The following MYO18A variants were observed in gnomAD, a reference collection of about 807,000 sequenced individuals.
MYO18A encodes the protein unconventional myosin-XVIIIa.
A neutral mutation model predicts 235.8 loss-of-function variants in MYO18A; 78 were observed. That is an observed-to-expected ratio of 0.33 (90% CI 0.28 to 0.40). The LOEUF (loss-of-function observed/expected upper bound fraction) is 0.40, where lower values mean the gene tolerates loss of function less well. MYO18A is among the 10% of genes least tolerant of loss of function. The pLI, the probability that MYO18A is intolerant of heterozygous loss-of-function variation, is 1.00. For synonymous variants in MYO18A, 977 were observed against 1,077.8 expected (o/e 0.91, Z 1.83); for missense variants, 2,215 against 2,699.3 (o/e 0.82, Z 3.98).
In MYO18A at chr17:29,110,098, C is replaced by T. The variant is rs765415599; in HGVS notation, c.3091G>A (p.Ala1031Thr). ...GACTTCTTGATGGTGTCGATGAGGGCGTCCTGCCGAGGGGAAGAGACTGCC... is the reference window on the plus strand; with the variant it reads ...GACTTCTTGATGGTGTCGATGAGGGTGTCCTGCCGAGGGGAAGAGACTGCC... ...LCIQMKLQVD[A>T]LIDTIKKSKL... Residue 1031 changes from alanine (A) to threonine (T), a missense_variant, in exon 19 of 42, where the codon GCC becomes ACC. By Grantham distance (58) the Ala-to-Thr change is moderately conservative (BLOSUM62 0). Transcript: ENST00000527372. 2.8e-5 allele frequency: 45 copies of T among 1,609,180 alleles called. No homozygotes were observed. The highest frequency in any genetic ancestry group is 6.7e-5 in the Admixed American group (4 of 60,002).
Position 29,092,760 on chromosome 17 carries a change from G to T in MYO18A, c.5073+95C>A, listed in dbSNP as rs1413885741. 2.7e-6 allele frequency: 4 copies of T among 1,504,340 alleles called. No individual in the cohort carries two copies. In the East Asian group the frequency reaches 9.1e-5, roughly 34 times the overall value. The allele number at this position is 1,504,340 out of a possible 1,614,324, so 93.2% of individuals were successfully genotyped here. A position where few individuals can be genotyped will look rare whatever the true frequency, so the allele number is the denominator to read the frequency against. On this transcript the variant is annotated intron_variant, in intron 33 of 41. Transcript: ENST00000527372. Reference sequence around the variant, plus strand: ...TCTTTCCTGTCACTTTCCTTCCCAAGGACTCAAGAACCACTGAGAGGAGCG... The same window carrying T: ...TCTTTCCTGTCACTTTCCTTCCCAATGACTCAAGAACCACTGAGAGGAGCG...
At chr17:29,171,876 G>C (rs1185015384) in intron 1 of MYO18A, among the ~76,000 whole-genome samples, 1 of 148,140 alleles carries the variant, frequency 6.8e-6, no homozygotes, top group Non-Finnish European at 1.5e-5. Context: ...CTGGGTAACA[G>C]AGTAAGACCC....
chr17:29,123,997 G>A (rs530725249), intron 2 of MYO18A, among the ~76,000 whole-genome samples: 5 of 151,728 alleles, frequency 3.3e-5, no homozygotes, highest in South Asian at 2.1e-4. Context: ...GCAGTGAGCC[G>A]AGATTGCGCC....
chr17:29,180,106 GC>G lies in MYO18A; in HGVS notation c.-82+206del, dbSNP rs1371030344. ...CCCCCTTCCCCGCCGCTCCCGATCG[GC>G]CCCCACCCCCGGGCGTCGAGCTCCA... On this transcript the variant is annotated intron_variant, in intron 1 of 41. Coordinates refer to ENST00000527372, the MANE Select transcript of MYO18A (RefSeq NM_078471.4). The surrounding 1 kb of genome is among the most constrained non-coding windows in gnomAD (Gnocchi z 6.1). 2.0e-5 allele frequency among the ~76,000 whole-genome samples: 3 copies of G among 151,954 alleles called. No homozygotes were observed. The highest frequency in any genetic ancestry group is 7.2e-5 in the African/African-American group (3 of 41,520).
chr17:29,146,354 A>G (rs1484539256), intron 2 of MYO18A, among the ~76,000 whole-genome samples: 2 of 152,238 alleles, frequency 1.3e-5, no homozygotes, highest in African/African-American at 4.8e-5. Flanking sequence ...TGACACATAT[A>G]GGAAACCAAG....
In MYO18A at chr17:29,111,402, G is replaced by A. The variant is rs773365553; in HGVS notation, c.2900+22C>T. ...AAACAGTCCTGGGTACAGAACAGGGGCGGAGGGAGTGGTGGTCTTACTTCT... is the reference window on the plus strand; with the variant it reads ...AAACAGTCCTGGGTACAGAACAGGGACGGAGGGAGTGGTGGTCTTACTTCT... On this transcript the variant is annotated intron_variant, in intron 17 of 41. Coordinates refer to ENST00000527372, the MANE Select transcript of MYO18A (RefSeq NM_078471.4). This position sits in a 1 kb window ranked among gnomAD's most constrained non-coding sequence, Gnocchi z 5.1. The A allele has an allele frequency of 1.9e-6, 3 of 1,608,996 alleles. No individual in the cohort carries two copies. Among genetic ancestry groups the A allele is most frequent in the Non-Finnish European group, 2.5e-6 (3 of 1,178,012 alleles).
intron 21 of MYO18A, among the ~76,000 whole-genome samples, chr17:29,100,179 G>T (rs1162008109): frequency 6.6e-6 from 1 of 152,218 alleles, no homozygotes; most frequent in Non-Finnish European, 1.5e-5. Context: ...CCACTGCAGG[G>T]CCCAACCTGG....
At chr17:29,099,389 A>T in intron 22 of MYO18A, among the ~76,000 whole-genome samples, 1 of 152,112 alleles carries the variant, frequency 6.6e-6, no homozygotes, top group East Asian at 1.9e-4. Flanking sequence ...GCAGCCTATG[A>T]TCCGGAGCCC....
intron 2 of MYO18A, chr17:29,131,450 A>G (rs2067472356): frequency 5.1e-6 from 5 of 985,682 alleles, no homozygotes; most frequent in Non-Finnish European, 6.0e-6. Context: ...AACCTGAGGG[A>G]GCAGATGAAG....
At chr17:29,124,426 G>A (rs747975281) in intron 2 of MYO18A, among the ~76,000 whole-genome samples, 16 of 152,336 alleles carry the variant, frequency 1.1e-4, no homozygotes, top group Admixed American at 4.6e-4. Flanking sequence ...GGCGACACTC[G>A]GTCTAGATGC....
intron 10 of MYO18A, 81 bp from the exon 11 acceptor site, chr17:29,116,536 C>T (rs2067066078): frequency 1.5e-5 from 23 of 1,566,756 alleles, no homozygotes; most frequent in Admixed American, 6.7e-5. Flanking sequence ...CTCGCCGCCT[C>T]GGAGGGACCG....
rs759304856 is a variant in MYO18A at position 29,110,481 on chromosome 17, C to A, written c.3042G>T (p.Ala1014=). 1.9e-6 allele frequency: 3 copies of A among 1,599,308 alleles called. No homozygotes were observed. Among genetic ancestry groups the A allele is most frequent in the Non-Finnish European group, 2.6e-6 (3 of 1,173,344 alleles). The stretch of plus-strand genomic sequence containing the variant: ...TGCACAGTGACTTCTTTTTGACAGC[C>A]GCCATGCCTGTGGTAAAGGTTTTCC... ...SMRKTFTTGM[A]AVKKKSLCIQ... The change falls in exon 18 of 42, where the codon GCG becomes GCT. Residue 1014 remains alanine (A), a synonymous_variant. Transcript: ENST00000527372.
At chr17:29,085,006 G>A (rs931994040) in intron 40 of MYO18A, among the ~76,000 whole-genome samples, 1 of 152,200 alleles carries the variant, frequency 6.6e-6, no homozygotes, top group Non-Finnish European at 1.5e-5. Flanking sequence ...CGGTACCGCA[G>A]GGAGTAAAGT....
intron 2 of MYO18A, among the ~76,000 whole-genome samples, chr17:29,156,075 G>T (rs992610501): frequency 1.3e-5 from 2 of 152,212 alleles, no homozygotes; most frequent in South Asian, 4.1e-4. Context: ...CCCTGGTAGG[G>T]ACATGTGGGA....
intron 2 of MYO18A, among the ~76,000 whole-genome samples, chr17:29,163,522 C>T (rs1213195739): frequency 6.6e-6 from 1 of 152,198 alleles, no homozygotes; most frequent in Non-Finnish European, 1.5e-5. Flanking sequence ...GTCCTCTGGG[C>T]ACCAGCTGGG....
At chr17:29,100,273 G>A (rs938383712) in intron 21 of MYO18A, among the ~76,000 whole-genome samples, 23 of 152,256 alleles carry the variant, frequency 1.5e-4, no homozygotes, top group Admixed American at 2.6e-4. Context: ...GCGCTGGGGA[G>A]CGCAGCGTGC....
intron 2 of MYO18A, among the ~76,000 whole-genome samples, chr17:29,152,774 T>C (rs545756929): frequency 6.6e-6 from 1 of 152,038 alleles, no homozygotes; most frequent in South Asian, 2.1e-4. Context: ...CAGGTTGGAG[T>C]GCAGTGGTGT....
At chr17:29,098,283 C>T in intron 24 of MYO18A, 59 bp from the exon 25 acceptor site, 1 of 1,612,384 alleles carries the variant, frequency 6.2e-7, no homozygotes, top group Non-Finnish European at 8.5e-7. Flanking sequence ...TCAGCCAGAA[C>T]ACCTGGGGGA....
At position 29,115,048 on chromosome 17, in the gene MYO18A, G is replaced by A; in HGVS notation, c.2370C>T (p.Thr790=). The change falls in exon 14 of 42, where the codon ACC becomes ACT. Residue 790 remains threonine, a synonymous_variant. Coordinates refer to ENST00000527372, the MANE Select transcript of MYO18A (RefSeq NM_078471.4). The part of the protein sequence containing the change: ...HSLCSMMIVD[T]PGFQNPEQGG... ...CCTGCTCAGGGTTCTGGAAGCCCGGGGTGTCGACAATCATCATGGAGCAGA... is the reference window on the plus strand; with the variant it reads ...CCTGCTCAGGGTTCTGGAAGCCCGGAGTGTCGACAATCATCATGGAGCAGA... 1 of 1,613,932 alleles carries A rather than the reference G, an allele frequency of 6.2e-7. No individual in the cohort carries two copies. The highest frequency in any genetic ancestry group is 1.3e-5 in the African/African-American group (1 of 75,054).
Sources: gnomAD v4.1 joint callset for allele counts (sites outside exome capture counted in the v4.1 genomes callset) on GRCh38, gnomAD v4.1.1 for gene constraint, Gnocchi (gnomAD v3.1) non-coding constraint, MANE v1.5 for transcripts, NCBI Gene and HGNC (gene_info 2026-07-23, HGNC 2026-07-21) for gene names.